The following SLC2A11 variants were observed in gnomAD, a reference collection of about 807,000 sequenced individuals.
The protein encoded by SLC2A11 is solute carrier family 2, facilitated glucose transporter member 11.
Under a neutral mutation model 52.1 loss-of-function variants are expected in SLC2A11, and 43 were observed. The ratio of observed to expected loss-of-function variants is 0.82; its 90% CI spans 0.65 to 1.06. The LOEUF (loss-of-function observed/expected upper bound fraction) is 1.06. Among genes scored for constraint, SLC2A11 ranks in the 50% least tolerant of loss-of-function variants. The pLI, the probability that SLC2A11 is intolerant of heterozygous loss-of-function variation, is 0.00. For synonymous variants in SLC2A11, 261 were observed against 277.6 expected, an observed-to-expected ratio of 0.94 and a Z score of 0.59; for missense variants, 582 against 654.2, an observed-to-expected ratio of 0.89 and a Z score of 1.20.
At chr22:23,860,848 A>AT (rs150669541) in intron 1 of SLC2A11, among the ~76,000 whole-genome samples, 85 of 131,400 alleles carry the variant, frequency 6.5e-4, no homozygotes, top group Admixed American at 1.4e-3. Context: ...CGCCCAGCTA[A>AT]TTTTTTTTTT....
chr22:23,857,700 G>C (rs893468448), upstream of SLC2A11, among the ~76,000 whole-genome samples: 5 of 151,824 alleles, frequency 3.3e-5, no homozygotes, highest in African/African-American at 9.7e-5. Context: ...ACACTCTAGC[G>C]GCTCTGCGCT....
At position 23,870,198 on chromosome 22, in the gene SLC2A11, G is replaced by A. The variant is rs1424061009; in HGVS notation, c.290+1557G>A. On this transcript the variant is annotated intron_variant, in intron 3 of 11. Coordinates refer to ENST00000316185, the MANE Select transcript of SLC2A11 (RefSeq NM_001024939.4). ...TGGGGCTCTTCCCACGAAGAAGACG[G>A]AGGTAATAACTATTGCGCGGCTATC... The A allele has an allele frequency of 8.2e-6, 5 of 611,280 alleles. No homozygotes were observed. In the East Asian group the frequency reaches 1.1e-4, roughly 14 times the overall value. The allele number at this position is 611,280 out of a possible 1,614,324, so 37.9% of individuals were successfully genotyped here. A position where few individuals can be genotyped will look rare whatever the true frequency, so the allele number is the denominator to read the frequency against.
chr22:23,883,974 T>G lies in SLC2A11; in HGVS notation c.1121T>G (p.Leu374Arg). The change falls in exon 10 of 12, where the codon CTG becomes CGG. Residue 374 changes from leucine (L) to arginine (R), a missense_variant. Leu to Arg is a moderately radical substitution (Grantham distance 102). Coordinates refer to ENST00000316185, the MANE Select transcript of SLC2A11 (RefSeq NM_001024939.4). Reference sequence around the variant, plus strand: ...AGCTCCTTCCCCTGGACACTCTACCTGGCCATGGCCTGCATCTTTGCCTTC... The same window carrying G: ...AGCTCCTTCCCCTGGACACTCTACCGGGCCATGGCCTGCATCTTTGCCTTC... ...LQSSFPWTLY[L>R]AMACIFAFIL... The G allele has an allele frequency of 6.2e-7, 1 of 1,613,352 alleles. No individual in the cohort carries two copies. Among genetic ancestry groups the G allele is most frequent in the East Asian group, 2.2e-5 (1 of 44,838 alleles).
In SLC2A11 at chr22:23,882,477, G is replaced by A; in HGVS notation, c.713G>A (p.Gly238Asp). 2 of 1,551,042 alleles carry A rather than the reference G, an allele frequency of 1.3e-6. No individual in the cohort carries two copies. Among genetic ancestry groups the A allele is most frequent in the Non-Finnish European group, 1.7e-6 (2 of 1,150,546 alleles). Reference sequence around the variant, plus strand: ...GGCTCAGCACTACGGCGGCTCCGGGGCTCCGGGGACTTGGCAGGGGAGCTG... The same window carrying A: ...GGCTCAGCACTACGGCGGCTCCGGGACTCCGGGGACTTGGCAGGGGAGCTG... ...ACLAALRRLR[G>D]SGDLAGELEE... The change falls in exon 7 of 12, where the codon GGC (glycine) becomes GAC (aspartate). Residue 238 changes from glycine to aspartate, a missense_variant. Transcript: ENST00000316185.
At chr22:23,874,187 G>T (rs924851318) in intron 3 of SLC2A11, among the ~76,000 whole-genome samples, 1 of 152,190 alleles carries the variant, frequency 6.6e-6, no homozygotes, top group African/African-American at 2.4e-5. Context: ...GAAAATATAA[G>T]GAAACTCTAC....
intron 1 of SLC2A11, among the ~76,000 whole-genome samples, chr22:23,861,745 C>G (rs865897135): frequency 6.6e-6 from 1 of 152,314 alleles, no homozygotes; most frequent in Middle Eastern, 3.4e-3. Flanking sequence ...GGAGGCAGAG[C>G]CTTACTCTAC....
chr22:23,859,994 A>G (rs1018093861), intron 1 of SLC2A11, among the ~76,000 whole-genome samples: 1 of 152,220 alleles, frequency 6.6e-6, no homozygotes, highest in Non-Finnish European at 1.5e-5. Flanking sequence ...TGTAAAGTCA[A>G]CTACTTTGCA....
chr22:23,882,745 C>A lies in SLC2A11; in HGVS notation c.883-14C>A, dbSNP rs758158335. ...GTGGAAGGGAGCCCAGGCCTGAAAG[C>A]CACCCTCTCCCAGGTGTACGCCTAC... On this transcript the variant is annotated splice_polypyrimidine_tract_variant and intron_variant, in intron 7 of 11. Coordinates refer to ENST00000316185, the MANE Select transcript of SLC2A11 (RefSeq NM_001024939.4). The A allele has an allele frequency of 1.2e-6, 2 of 1,608,912 alleles. No individual in the cohort carries two copies. Among genetic ancestry groups the A allele is most frequent in the Admixed American group, 3.4e-5 (2 of 59,436 alleles).
intron 2 of SLC2A11, among the ~76,000 whole-genome samples, chr22:23,863,474 G>A (rs922423988): frequency 1.6e-4 from 25 of 152,172 alleles, no homozygotes. Flanking sequence ...GCTTAAGTAA[G>A]AAGGGCAAGT....
At chr22:23,868,929 A>G (rs2032361558) in intron 3 of SLC2A11, 2 of 401,434 alleles carry the variant, frequency 5.0e-6, no homozygotes, top group Non-Finnish European at 4.5e-6. Context: ...CCTGGGCCTC[A>G]CTCTCCTCCT....
At chr22:23,870,414 G>A (rs1204626887) in intron 3 of SLC2A11, 2 of 220,312 alleles carry the variant, frequency 9.1e-6, no homozygotes, top group Admixed American at 5.8e-5. Flanking sequence ...AGGGTTGGTT[G>A]TGTAGGGGAA....
Position 23,886,182 on chromosome 22 carries a change from T to C in SLC2A11, c.*1333T>C, listed in dbSNP as rs139766467. 1 of 152,388 alleles carries C rather than the reference T, an allele frequency of 6.6e-6. No homozygotes were observed. Among genetic ancestry groups the C allele is most frequent in the Non-Finnish European group, 1.5e-5 (1 of 68,042 alleles). The allele number at this position is 152,388 out of a possible 1,614,324, so 9.4% of individuals were successfully genotyped here. A position where few individuals can be genotyped will look rare whatever the true frequency, so the allele number is the denominator to read the frequency against. ...GCACGTATTAGGAGAGACTCCTTTG[T>C]ATTGCTGAGTAGTATTCCCCTCTGT... On this transcript the variant is annotated 3_prime_UTR_variant, in exon 12 of 12. Transcript: ENST00000316185.
At chr22:23,878,008 C>T (rs750082057) in intron 6 of SLC2A11, 139 bp downstream of exon 6, 1 of 1,052,980 alleles carries the variant, frequency 9.5e-7, no homozygotes, top group Non-Finnish European at 1.3e-6. Flanking sequence ...TCATGATCTG[C>T]CTATACCTGC....
intron 2 of SLC2A11, among the ~76,000 whole-genome samples, chr22:23,863,607 G>GTTTTTTTTTTTT (rs1568985269): frequency 8.8e-6 from 1 of 113,168 alleles, no homozygotes; most frequent in Non-Finnish European, 1.9e-5. Context: ...CTCTCTCTCT[G>GTTTTTTTTTTTT]GTTTTTTTTT....
rs140261431 is a variant in SLC2A11, at chr22:23,883,868, C to G, written c.1090C>G (p.Leu364Val). The G allele has an allele frequency of 1.7e-5, 27 of 1,600,866 alleles. No individual in the cohort carries two copies. The African/African-American group carries it at 3.6e-4, about 22-fold the overall frequency. ...GAGCATCTTCACTGTGGCCCTGTGC[C>G]TGCAGGTAGCTGGGGTGGATGAGGG... Reference protein sequence around the residue: ...WGSIFTVALCLQSSFPWTLYL... With the variant: ...WGSIFTVALCVQSSFPWTLYL... The change falls in exon 9 of 12, where the codon CTG (leucine) becomes GTG (valine). Residue 364 changes from leucine to valine, a missense_variant. Physicochemically the swap from Leu to Val is conservative, Grantham distance 32 (BLOSUM62 1). Transcript: ENST00000316185.
At chr22:23,879,145 T>A (rs1568995153) in intron 6 of SLC2A11, among the ~76,000 whole-genome samples, 1 of 152,222 alleles carries the variant, frequency 6.6e-6, no homozygotes, top group East Asian at 1.9e-4. Flanking sequence ...TTATTTTTTT[T>A]ATTTTTTTTA....
Position 23,882,582 on chromosome 22 carries a change from T to G in SLC2A11, c.818T>G (p.Leu273Arg), listed in dbSNP as rs1312095955. 6.2e-7 allele frequency: 1 copy of G among 1,613,198 alleles called. No homozygotes were observed. The highest frequency in any genetic ancestry group is 1.1e-5 in the South Asian group (1 of 91,004). ...RPWELFQHRA[L>R]RRQVTSLVVL... Reference sequence around the variant, plus strand: ...TGGGAGCTGTTCCAGCATCGGGCCCTGAGGAGACAGGTGACAAGCCTCGTG... The same window carrying G: ...TGGGAGCTGTTCCAGCATCGGGCCCGGAGGAGACAGGTGACAAGCCTCGTG... Residue 273 changes from leucine to arginine, a missense_variant, in exon 7 of 12, where the codon CTG becomes CGG. By Grantham distance (102) the Leu-to-Arg change is moderately radical. Transcript: ENST00000316185.
chr22:23,859,876 G>A (rs757319439), intron 1 of SLC2A11, among the ~76,000 whole-genome samples: 3 of 152,198 alleles, frequency 2.0e-5, no homozygotes, highest in Non-Finnish European at 4.4e-5. Context: ...CTTCTGTCAT[G>A]AAAATTGTAT....
chr22:23,883,174 A>G (rs906978843), intron 8 of SLC2A11: 59 of 429,378 alleles, frequency 1.4e-4, no homozygotes, highest in Non-Finnish European at 2.3e-4. Flanking sequence ...AGGCAGGAGA[A>G]TCGCATGAAC....
Sources: allele counts gnomAD v4.1 joint callset (sites outside exome capture counted in the v4.1 genomes callset), GRCh38; gene constraint gnomAD v4.1.1; transcripts MANE v1.5; gene names NCBI Gene and HGNC (gene_info 2026-07-23, HGNC 2026-07-21).